The following ELOA variants were observed in gnomAD, a reference collection of about 807,000 sequenced individuals.
ELOA encodes the protein elongin A.
A neutral mutation model predicts 85.2 loss-of-function variants in ELOA; 15 were observed. The observed-to-expected ratio is 0.18, with a 90% CI of 0.12 to 0.27. The LOEUF is 0.27. ELOA is among the 10% of genes least tolerant of loss of function. The pLI is 1.00. For missense variants in ELOA, 769 were observed against 952.7 expected (o/e 0.81, Z 2.54); for synonymous variants, 348 against 357.2 (o/e 0.97, Z 0.29).
rs1287978239 is a variant in ELOA, at chr1:23,751,150, C to A, written c.545C>A (p.Ser182Tyr). ...SDYGHVQSPP[S>Y]CTSPHQMYVD... ...TATGGCCATGTTCAATCCCCTCCAT[C>A]TTGTACCAGTCCTCATCAGATGTAC... Residue 182 changes from serine to tyrosine, a missense_variant, in exon 4 of 11, where the codon TCT becomes TAT. Around this residue, in one of 4 missense-constraint regions of ELOA, gnomAD observed 440 missense variants for 474.0 expected, o/e 0.93. Coordinates refer to ENST00000613537, the MANE Select transcript of ELOA (RefSeq NM_003198.3). 5 of 1,614,044 alleles carry A rather than the reference C, an allele frequency of 3.1e-6. No individual in the cohort carries two copies. The highest frequency in any genetic ancestry group is 1.6e-4 in the Middle Eastern group (1 of 6,084).
intron 1 of ELOA, among the ~76,000 whole-genome samples, chr1:23,746,320 A>G (rs1299122272): frequency 7.0e-6 from 1 of 142,494 alleles, no homozygotes; most frequent in Non-Finnish European, 1.5e-5. Context: ...ACACACACAC[A>G]CAGTTGGCCG....
chr1:23,752,570 T>C, intron 5 of ELOA, 52 bp downstream of exon 5: 3 of 1,544,066 alleles, frequency 1.9e-6, no homozygotes, highest in Admixed American at 3.8e-5. Context: ...TAAAAATTCA[T>C]TCAAGGCAGG....
intron 10 of ELOA, among the ~76,000 whole-genome samples, chr1:23,759,306 G>T (rs1186898878): frequency 1.3e-5 from 2 of 152,252 alleles, no homozygotes; most frequent in African/African-American, 4.8e-5. Flanking sequence ...AGAGAGTGGT[G>T]GTCATGCCCC....
At chr1:23,744,388 T>C (rs1644737389) in intron 1 of ELOA, 1 of 152,216 alleles carries the variant, frequency 6.6e-6, no homozygotes, top group African/African-American at 2.4e-5. Flanking sequence ...TCTTGTACCT[T>C]TTCATCTTTC....
chr1:23,751,884 T>C lies in ELOA; in HGVS notation c.1279T>C (p.Ser427Pro), dbSNP rs1178255672. Reference sequence around the variant, plus strand: ...GAAAAAGAAAAAGATTGTGAAAACTTCAGCCACGGCACTTGGAGATAAAGG... The same window carrying C: ...GAAAAAGAAAAAGATTGTGAAAACTCCAGCCACGGCACTTGGAGATAAAGG... ...RKKKKKIVKT[S>P]ATALGDKGLK... The change falls in exon 4 of 11, where the codon TCA becomes CCA. Residue 427 changes from serine (S) to proline (P), a missense_variant. Around this residue, in one of 4 missense-constraint regions of ELOA, gnomAD observed 193 missense variants for 278.9 expected, o/e 0.69. Transcript: ENST00000613537. 1 of 1,613,928 alleles carries C rather than the reference T, an allele frequency of 6.2e-7. No individual in the cohort carries two copies. Among genetic ancestry groups the C allele is most frequent in the South Asian group, 1.1e-5 (1 of 91,070 alleles).
intron 10 of ELOA, among the ~76,000 whole-genome samples, chr1:23,758,247 A>ATTTTTTTTTTTTTTTT (rs1338294015): frequency 3.5e-5 from 2 of 56,788 alleles, no homozygotes; most frequent in African/African-American, 5.9e-5. Context: ...GGGTCTTCCA[A>ATTTTTTTTTTTTTTTT]TTTATTTATT....
chr1:23,749,641 C>G (rs1335175358), intron 2 of ELOA, among the ~76,000 whole-genome samples: 1 of 152,182 alleles, frequency 6.6e-6, no homozygotes, highest in African/African-American at 2.4e-5. Context: ...TATTAAAGTT[C>G]TGAACTTGGT....
At position 23,760,206 on chromosome 1, in the gene ELOA, C is replaced by T. The variant is rs1274528778; in HGVS notation, c.*633C>T. ...CCCACTGTTGCTGTGCATTCCTGTG[C>T]AGGTGCATCTCTTTCTTACTAACTG... On this transcript the variant is annotated 3_prime_UTR_variant, in exon 11 of 11. Transcript: ENST00000613537. 1 of 152,352 alleles carries T rather than the reference C, an allele frequency of 6.6e-6. No individual in the cohort carries two copies. The highest frequency in any genetic ancestry group is 1.5e-5 in the Non-Finnish European group (1 of 68,156). 9.4% of individuals were successfully genotyped at this position (152,352 alleles called of 1,614,324 possible).
chr1:23,752,461 A>G lies in ELOA; in HGVS notation c.1480A>G (p.Asn494Asp), dbSNP rs1462912086. 1 of 1,614,158 alleles carries G rather than the reference A, an allele frequency of 6.2e-7. No individual in the cohort carries two copies. The highest frequency in any genetic ancestry group is 1.7e-5 in the Admixed American group (1 of 60,016). The change falls in exon 5 of 11, where the codon AAT becomes GAT. Residue 494 changes from asparagine to aspartate, a missense_variant. Around this residue, in one of 4 missense-constraint regions of ELOA, gnomAD observed 193 missense variants for 278.9 expected, o/e 0.69. Coordinates refer to ENST00000613537, the MANE Select transcript of ELOA (RefSeq NM_003198.3). ...CCTCCCGTTACCCGCGATACAGGCCAATTACCGTCCACTGCCTTCCCTCGA... is the reference window on the plus strand; with the variant it reads ...CCTCCCGTTACCCGCGATACAGGCCGATTACCGTCCACTGCCTTCCCTCGA... ...PDLPLPAIQANYRPLPSLELI... is the reference protein window; with the variant it reads ...PDLPLPAIQADYRPLPSLELI...
intron 8 of ELOA, 52 bp downstream of exon 8, chr1:23,756,075 C>G: frequency 6.3e-7 from 1 of 1,588,680 alleles, no homozygotes. Flanking sequence ...GTGTTCTGGT[C>G]AATAGCAGGG....
In ELOA at chr1:23,751,531, TGAAGAA is replaced by T. The variant is rs769700359; in HGVS notation, c.931_936del (p.Lys311_Lys312del). On this transcript the variant is annotated inframe_deletion, in exon 4 of 11. Coordinates refer to ENST00000613537, the MANE Select transcript of ELOA (RefSeq NM_003198.3). ...GAGAAGGACAGAGAGGGCAGCAGCCTGAAGAAGAAGTGTTTGCCTCCCTCAGAGGCC... is the reference window on the plus strand; with the variant it reads ...GAGAAGGACAGAGAGGGCAGCAGCCTGAAGTGTTTGCCTCCCTCAGAGGCC... 2.5e-6 allele frequency: 4 copies of T among 1,613,982 alleles called. No homozygotes were observed. The highest frequency in any genetic ancestry group is 3.4e-6 in the Non-Finnish European group (4 of 1,180,026).
At chr1:23,752,298 T>C in intron 4 of ELOA, 109 bp from the exon 5 acceptor site, 1 of 1,099,216 alleles carries the variant, frequency 9.1e-7, no homozygotes, top group Non-Finnish European at 1.3e-6. Context: ...CCCTCCAACC[T>C]GGATCTTCCT....
chr1:23,750,554 C>G (rs1474932343), intron 3 of ELOA, among the ~76,000 whole-genome samples: 1 of 152,056 alleles, frequency 6.6e-6, no homozygotes, highest in African/African-American at 2.4e-5. Flanking sequence ...TGAGCAGCCC[C>G]CATTTTATAT....
rs935394714 is a variant in ELOA, at chr1:23,761,724, T to C, written c.*2151T>C. ...GCTGCAGAGCAGACACAGGATGAAT[T>C]TGAACCTGACACAGGATGAATTTGA... On this transcript the variant is annotated 3_prime_UTR_variant, in exon 11 of 11. Transcript: ENST00000613537. The C allele has an allele frequency of 4.6e-5, 7 of 151,834 alleles. No individual in the cohort carries two copies. The highest frequency in any genetic ancestry group is 1.7e-4 in the African/African-American group (7 of 41,416). 9.4% of individuals were successfully genotyped at this position (151,834 alleles called of 1,614,324 possible).
At chr1:23,749,650 G>A (rs1644760338) in intron 2 of ELOA, among the ~76,000 whole-genome samples, 192 bp from the exon 3 acceptor site, 1 of 152,152 alleles carries the variant, frequency 6.6e-6, no homozygotes, top group Non-Finnish European at 1.5e-5. Context: ...TCTGAACTTG[G>A]TACGCTTTGC....
rs55782205 is a variant in ELOA at position 23,746,608 on chromosome 1, C to CAAAAAAAAAAAAAAAAAAAAAAAAAAA, written c.76-2390_76-2389insAAAAAAAAAAAAAAAAAAAAAAAAAAA. Among the ~76,000 whole-genome samples the CAAAAAAAAAAAAAAAAAAAAAAAAAAA allele has an allele frequency of 2.9e-5, 2 of 68,438 alleles. 1 individual carries two copies. Among genetic ancestry groups the CAAAAAAAAAAAAAAAAAAAAAAAAAAA allele is most frequent in the Non-Finnish European group, 5.6e-5 (2 of 35,916 alleles). 44.9% of individuals were successfully genotyped at this position (68,438 alleles called of 152,430 possible). On this transcript the variant is annotated intron_variant, in intron 1 of 10. Transcript: ENST00000613537. ...GACAACAAGAGCAAAACTCCATCTC[C>CAAAAAAAAAAAAAAAAAAAAAAAAAAA]AAAAAAAAAAAAAAAAAAAAAAAGG...
chr1:23,756,174 A>G, intron 8 of ELOA, 100 bp from the exon 9 acceptor site: 6 of 1,424,628 alleles, frequency 4.2e-6, no homozygotes, highest in Non-Finnish European at 5.7e-6. Context: ...ATTCTACCCT[A>G]CAAGTGGGGT....
At chr1:23,758,004 G>GC (rs1638225342) in intron 10 of ELOA, among the ~76,000 whole-genome samples, 1 of 151,756 alleles carries the variant, frequency 6.6e-6, no homozygotes, top group Admixed American at 6.6e-5. Flanking sequence ...TTGTGCCACT[G>GC]CCCTCCAGCC....
At chr1:23,747,758 G>A (rs1360873432) in intron 1 of ELOA, among the ~76,000 whole-genome samples, 1 of 152,136 alleles carries the variant, frequency 6.6e-6, no homozygotes, top group South Asian at 2.1e-4. Flanking sequence ...CCTCTTACTT[G>A]ATCTCAAGAT....
Sources: allele counts gnomAD v4.1 joint callset (sites outside exome capture counted in the v4.1 genomes callset), GRCh38; gene constraint gnomAD v4.1.1; regional missense constraint gnomAD v4.1.1; transcripts MANE v1.5; gene names NCBI Gene and HGNC (gene_info 2026-07-23, HGNC 2026-07-21).